The following AAK1 variants were observed in gnomAD, a reference collection of about 807,000 sequenced individuals.
AAK1 encodes AP2-associated protein kinase 1.
Under a neutral mutation model 116.0 loss-of-function variants are expected in AAK1, and 37 were observed. The ratio of observed to expected loss-of-function variants is 0.32; its 90% CI spans 0.25 to 0.42. The LOEUF (loss-of-function observed/expected upper bound fraction) is 0.42, where lower values mean the gene tolerates loss of function less well. Ranked by LOEUF, AAK1 falls within the 10% of genes least tolerant of loss-of-function variation. AAK1 has a pLI of 1.00. For missense variants in AAK1, 919 were observed against 1,170.6 expected, an observed-to-expected ratio of 0.79 and a Z score of 3.14; for synonymous variants, 458 against 439.9, an observed-to-expected ratio of 1.04 and a Z score of -0.51.
Position 69,532,145 on chromosome 2 carries a change from C to G in AAK1, c.552G>C (p.Leu184Phe), listed in dbSNP as rs1670285050. 3 of 1,613,348 alleles carry G rather than the reference C, an allele frequency of 1.9e-6. No homozygotes were observed. Among genetic ancestry groups the G allele is most frequent in the African/African-American group, 2.7e-5 (2 of 74,870 alleles). ...HRDLKVENILLHDRGHYVLCD... is the reference protein window; with the variant it reads ...HRDLKVENILFHDRGHYVLCD... ...ACAGGACATAGTGGCCTCGGTCATG[C>G]AAGAGGATGTTTTCAACCTGAAAAA... is the stretch of plus-strand genomic sequence containing the variant. Residue 184 changes from leucine (L) to phenylalanine (F), a missense_variant, in exon 6 of 22, where the codon TTG becomes TTC. Physicochemically the swap from Leu to Phe is conservative, Grantham distance 22. Coordinates refer to ENST00000409085, the MANE Select transcript of AAK1 (RefSeq NM_014911.5).
At chr2:69,631,913 G>T (rs1226226368) in intron 2 of AAK1, among the ~76,000 whole-genome samples, 1 of 152,172 alleles carries the variant, frequency 6.6e-6, no homozygotes, top group South Asian at 2.1e-4. Flanking sequence ...CCGGGAGGCG[G>T]AGGTTGCAGG....
At position 69,505,557 on chromosome 2, in the gene AAK1, T is replaced by C. The variant is rs375331096; in HGVS notation, c.2269+12A>G. On this transcript the variant is annotated intron_variant, in intron 16 of 21. Transcript: ENST00000409085. Reference sequence around the variant, plus strand: ...CAGTGAACCTCCCGTTCCAGGTATTTGCCATACTAACCAGTTCCAGCAGAA... The same window carrying C: ...CAGTGAACCTCCCGTTCCAGGTATTCGCCATACTAACCAGTTCCAGCAGAA... The C allele has an allele frequency of 1.5e-5, 24 of 1,610,624 alleles. No individual in the cohort carries two copies. Among genetic ancestry groups the C allele is most frequent in the Non-Finnish European group, 1.7e-6 (2 of 1,177,172 alleles).
At position 69,472,199 on chromosome 2, in the gene AAK1, G is replaced by C; in HGVS notation, c.*3670C>G. On this transcript the variant is annotated 3_prime_UTR_variant, in exon 22 of 22. Transcript: ENST00000409085. ...AGGTCCTCTCTGAGAATTTTTTGTGGATTATCCTTTTTACTGTCTTCAACA... is the reference window on the plus strand; with the variant it reads ...AGGTCCTCTCTGAGAATTTTTTGTGCATTATCCTTTTTACTGTCTTCAACA... 1.0e-6 allele frequency: 1 copy of C among 979,414 alleles called. No homozygotes were observed. Among genetic ancestry groups the C allele is most frequent in the Non-Finnish European group, 1.2e-6 (1 of 824,542 alleles). 60.7% of individuals were successfully genotyped at this position (979,414 alleles called of 1,614,324 possible). A position where few individuals can be genotyped will look rare whatever the true frequency, so the allele number is the denominator to read the frequency against.
At position 69,469,013 on chromosome 2, in the gene AAK1, G is replaced by A; in HGVS notation, c.*6856C>T. The A allele has an allele frequency of 1.0e-6, 1 of 985,332 alleles. No homozygotes were observed. Among genetic ancestry groups the A allele is most frequent in the South Asian group, 4.7e-5 (1 of 21,286 alleles). 61.0% of individuals were successfully genotyped at this position (985,332 alleles called of 1,614,324 possible). A position where few individuals can be genotyped will look rare whatever the true frequency, so the allele number is the denominator to read the frequency against. On this transcript the variant is annotated 3_prime_UTR_variant, in exon 22 of 22. Coordinates refer to ENST00000409085, the MANE Select transcript of AAK1 (RefSeq NM_014911.5). ...AAACACCAGAATATCAAGTTTGAAG[G>A]GAAAATTAGTCTCCTGTCCTTCAAA...
At chr2:69,603,281 G>C (rs1208046457) in intron 2 of AAK1, among the ~76,000 whole-genome samples, 1 of 152,140 alleles carries the variant, frequency 6.6e-6, no homozygotes, top group Non-Finnish European at 1.5e-5. Flanking sequence ...GTAGAATAGA[G>C]TTTCCTCACA....
Position 69,466,231 on chromosome 2 carries a change from C to A in AAK1, c.*9638G>T, listed in dbSNP as rs1445914873. 7.8e-7 allele frequency: 1 copy of A among 1,289,740 alleles called. No individual in the cohort carries two copies. Among genetic ancestry groups the A allele is most frequent in the Non-Finnish European group, 1.0e-6 (1 of 988,834 alleles). 79.9% of individuals were successfully genotyped at this position (1,289,740 alleles called of 1,614,324 possible). A position where few individuals can be genotyped will look rare whatever the true frequency, so the allele number is the denominator to read the frequency against. ...TGCTCAGGAGAGACTTCTGGTGGAG[C>A]GAATGGAACGGCTCCTCCCAGCTTC... On this transcript the variant is annotated 3_prime_UTR_variant, in exon 22 of 22. Coordinates refer to ENST00000409085, the MANE Select transcript of AAK1 (RefSeq NM_014911.5).
intron 2 of AAK1, among the ~76,000 whole-genome samples, chr2:69,611,968 T>G (rs542966736): frequency 6.6e-5 from 10 of 152,192 alleles, no homozygotes; most frequent in Admixed American, 6.5e-4. Context: ...GGACAGAAAG[T>G]AGAATGGTGG....
rs930080087 is a variant in AAK1, at chr2:69,587,365, G to A, written c.164-30387C>T. 8.2e-5 allele frequency among the ~76,000 whole-genome samples: 9 copies of A among 109,568 alleles called. No individual in the cohort carries two copies. The South Asian group carries it at 2.5e-3, about 31-fold the overall frequency. The allele number at this position is 109,568 out of a possible 152,430, so 71.9% of individuals were successfully genotyped here. On this transcript the variant is annotated intron_variant, in intron 2 of 21. Transcript: ENST00000409085. ...CACACACACATATATACACATATGC[G>A]TGTACACACACATATATACACACAC...
Position 69,560,742 on chromosome 2 carries a change from T to C in AAK1, c.164-3764A>G, listed in dbSNP as rs553782296. ...CTCCCCCTAATTGTTGATGGAGATG[T>C]GGATGGCTATTTATAGCTCACCATG... On this transcript the variant is annotated intron_variant, in intron 2 of 21. Transcript: ENST00000409085. 2.0e-5 allele frequency among the ~76,000 whole-genome samples: 3 copies of C among 152,348 alleles called. No homozygotes were observed. The East Asian group carries it at 5.8e-4, about 29-fold the overall frequency.
In AAK1 at chr2:69,467,627, T is replaced by C. The variant is rs993025551; in HGVS notation, c.*8242A>G. 1.5e-5 allele frequency: 15 copies of C among 985,256 alleles called. No homozygotes were observed. The South Asian group carries it at 1.9e-4, about 12-fold the overall frequency. 61.0% of individuals were successfully genotyped at this position (985,256 alleles called of 1,614,324 possible). On this transcript the variant is annotated 3_prime_UTR_variant, in exon 22 of 22. Transcript: ENST00000409085. ...TATTAGATACAATGATTTGGAGCCA[T>C]AGATGACCCAGAACCTCTGTAGAGA...
chr2:69,511,018 A>T (rs148101122), intron 13 of AAK1, among the ~76,000 whole-genome samples: 5 of 152,348 alleles, frequency 3.3e-5, no homozygotes, highest in African/African-American at 1.2e-4. Flanking sequence ...CACCTATATC[A>T]AGGAAAATGA....
Position 69,594,674 on chromosome 2 carries a change from G to A in AAK1, c.164-37696C>T. 4 of 582,914 alleles carry A rather than the reference G, an allele frequency of 6.9e-6. No homozygotes were observed. The South Asian group carries it at 8.1e-5, about 12-fold the overall frequency. 36.1% of individuals were successfully genotyped at this position (582,914 alleles called of 1,614,324 possible). A position where few individuals can be genotyped will look rare whatever the true frequency, so the allele number is the denominator to read the frequency against. On this transcript the variant is annotated intron_variant, in intron 2 of 21. Coordinates refer to ENST00000409085, the MANE Select transcript of AAK1 (RefSeq NM_014911.5). ...TGAATGCAAAGAAAATGTTCTTGAA[G>A]GAATTTTTTTTAAGTGAATATAAAC...
In AAK1 at chr2:69,466,578, A is replaced by G; in HGVS notation, c.*9291T>C. On this transcript the variant is annotated 3_prime_UTR_variant, in exon 22 of 22. Transcript: ENST00000409085. ...TAGAAAAGCATAAAATGCAGAATTA[A>G]TGTGTAGGTCAATTCAACTCTATTT... 1 of 1,175,838 alleles carries G rather than the reference A, an allele frequency of 8.5e-7. No individual in the cohort carries two copies. The highest frequency in any genetic ancestry group is 1.6e-5 in the South Asian group (1 of 61,640). 72.8% of individuals were successfully genotyped at this position (1,175,838 alleles called of 1,614,324 possible). A position where few individuals can be genotyped will look rare whatever the true frequency, so the allele number is the denominator to read the frequency against.
At chr2:69,638,586 T>C (rs995020537) in intron 2 of AAK1, among the ~76,000 whole-genome samples, 1 of 152,242 alleles carries the variant, frequency 6.6e-6, no homozygotes, top group African/African-American at 2.4e-5. Context: ...TCTGTCCTTC[T>C]TTCCTTGATT....
Position 69,509,246 on chromosome 2 carries a change from C to T in AAK1, c.1991G>A (p.Ser664Asn), listed in dbSNP as rs768541731. Residue 664 changes from serine to asparagine, a missense_variant, in exon 14 of 22, where the codon AGT (serine) becomes AAT (asparagine). Transcript: ENST00000409085. ...QLLQAAAAEA[S>N]LNKSKSATTT... is the part of the protein sequence containing the mutation. The stretch of plus-strand genomic sequence containing the variant: ...CACCACATACTTGGACTTATTGAGA[C>T]TGGCCTCAGCTGCAGCTGCCTGGAG... 3.7e-6 allele frequency: 6 copies of T among 1,613,908 alleles called. No homozygotes were observed. The highest frequency in any genetic ancestry group is 1.7e-5 in the Admixed American group (1 of 60,012).
intron 2 of AAK1, among the ~76,000 whole-genome samples, chr2:69,622,097 G>C (rs999997608): frequency 6.6e-6 from 1 of 152,244 alleles, no homozygotes; most frequent in Non-Finnish European, 1.5e-5. Context: ...AGGTGCGGGC[G>C]GGAACCGGGG....
Position 69,465,896 on chromosome 2 carries a change from T to G in AAK1, c.*9973A>C. The G allele has an allele frequency of 1.5e-6, 2 of 1,290,884 alleles. No individual in the cohort carries two copies. The highest frequency in any genetic ancestry group is 2.0e-6 in the Non-Finnish European group (2 of 988,878). The allele number at this position is 1,290,884 out of a possible 1,614,324, so 80.0% of individuals were successfully genotyped here. Reference sequence around the variant, plus strand: ...GGCCCGCGGGCAGGGGGACATCACCTGTCTGACTGAGGAGACCGGTCTGTG... The same window carrying G: ...GGCCCGCGGGCAGGGGGACATCACCGGTCTGACTGAGGAGACCGGTCTGTG... On this transcript the variant is annotated 3_prime_UTR_variant, in exon 22 of 22. Transcript: ENST00000409085.
At chr2:69,617,159 A>T (rs1027426307) in intron 2 of AAK1, among the ~76,000 whole-genome samples, 1 of 152,240 alleles carries the variant, frequency 6.6e-6, no homozygotes, top group African/African-American at 2.4e-5. Context: ...GTCAAGAACA[A>T]CAAAATTCCA....
At chr2:69,640,087 C>CT (rs1675651983) in intron 2 of AAK1, among the ~76,000 whole-genome samples, 1 of 147,388 alleles carries the variant, frequency 6.8e-6, no homozygotes, top group Non-Finnish European at 1.5e-5. Context: ...TCTCCCCCCC[C>CT]ACATATATAC....
Sources: allele counts gnomAD v4.1 joint callset (sites outside exome capture counted in the v4.1 genomes callset), GRCh38; gene constraint gnomAD v4.1.1; transcripts MANE v1.5; gene names NCBI Gene and HGNC (gene_info 2026-07-23, HGNC 2026-07-21).